Variants in LRIG1 observed in about 807,000 individuals in gnomAD.
LRIG1 encodes leucine-rich repeats and immunoglobulin-like domains protein 1.
In LRIG1, 48 loss-of-function variants were observed where a neutral mutation model predicts 99.2. The ratio of observed to expected loss-of-function variants is 0.48; its 90% CI spans 0.38 to 0.62. The LOEUF is 0.62. Ranked by LOEUF, LRIG1 falls within the 20% of genes least tolerant of loss-of-function variation. The pLI is 0.00. For missense variants in LRIG1, 1,646 were observed against 1,434.4 expected (o/e 1.15, Z -2.38); for synonymous variants, 772 against 596.1 (o/e 1.29, Z -4.30).
At chr3:66,469,985 T>C (rs1465808881) in intron 1 of LRIG1, among the ~76,000 whole-genome samples, 3 of 151,254 alleles carry the variant, frequency 2.0e-5, no homozygotes, top group African/African-American at 7.3e-5. Context: ...TCTGTAATGG[T>C]AGATCAGTAG....
intron 17 of LRIG1, 134 bp from the exon 18 acceptor site, chr3:66,380,995 T>A (rs889488006): frequency 1.3e-5 from 11 of 821,340 alleles, no homozygotes; most frequent in Admixed American, 8.1e-5. Context: ...TGCTTCCTCT[T>A]TTCCCCAACT....
intron 3 of LRIG1, among the ~76,000 whole-genome samples, chr3:66,443,454 G>A (rs1276673984): frequency 6.6e-6 from 1 of 152,208 alleles, no homozygotes; most frequent in African/African-American, 2.4e-5. Flanking sequence ...AGTACCCACT[G>A]TGTTGGCTGA....
intron 11 of LRIG1, among the ~76,000 whole-genome samples, chr3:66,394,415 T>C (rs191528695): frequency 4.6e-5 from 7 of 152,292 alleles, no homozygotes; most frequent in African/African-American, 7.2e-5. Flanking sequence ...CAGTTGCTGA[T>C]TGGGTGGGTC....
At chr3:66,462,282 C>G (rs1192514268) in intron 2 of LRIG1, among the ~76,000 whole-genome samples, 156 bp downstream of exon 2, 1 of 152,138 alleles carries the variant, frequency 6.6e-6, no homozygotes, top group Non-Finnish European at 1.5e-5. Flanking sequence ...GAGAGATAAG[C>G]AGGAGTAGAA....
At chr3:66,403,217 T>C (rs9847145) in intron 9 of LRIG1, among the ~76,000 whole-genome samples, 6,403 of 152,218 alleles carry the variant, frequency 0.042, 438 homozygotes, top group African/African-American at 0.14. Context: ...ATCCAAATCA[T>C]AGGCATCATA....
intron 2 of LRIG1, among the ~76,000 whole-genome samples, chr3:66,458,970 T>C (rs1700294169): frequency 6.7e-6 from 1 of 150,090 alleles, no homozygotes; most frequent in South Asian, 2.1e-4. Context: ...TGACCCAAGA[T>C]TGCACTGCAC....
Position 66,407,343 on chromosome 3 carries a change from C to T in LRIG1, c.1079+5G>A. ...CCTTTATCCTGTCAGTAGTGGGAGACGTACAAGACTCGCAGGCTCCTGAGT... is the reference window on the plus strand; with the variant it reads ...CCTTTATCCTGTCAGTAGTGGGAGATGTACAAGACTCGCAGGCTCCTGAGT... On this transcript the variant is annotated splice_donor_5th_base_variant and intron_variant, in intron 8 of 18. Coordinates refer to ENST00000273261, the MANE Select transcript of LRIG1 (RefSeq NM_015541.3). 1 of 1,614,038 alleles carries T rather than the reference C, an allele frequency of 6.2e-7. No individual in the cohort carries two copies. Among genetic ancestry groups the T allele is most frequent in the East Asian group, 2.2e-5 (1 of 44,872 alleles).
chr3:66,489,422 T>G (rs113765515), intron 1 of LRIG1, among the ~76,000 whole-genome samples: 31,055 of 152,038 alleles, frequency 0.2, 4,089 homozygotes, highest in Non-Finnish European at 0.3. Flanking sequence ...CTCAGTAGAC[T>G]GAGGTAGGAG....
At chr3:66,495,379 G>A (rs994436847) in intron 1 of LRIG1, among the ~76,000 whole-genome samples, 2 of 152,108 alleles carry the variant, frequency 1.3e-5, no homozygotes, top group African/African-American at 4.8e-5. Flanking sequence ...AGTTCTGTTC[G>A]CTTTTAAAAG....
At chr3:66,420,518 A>T (rs1702770896) in intron 3 of LRIG1, among the ~76,000 whole-genome samples, 1 of 152,252 alleles carries the variant, frequency 6.6e-6, no homozygotes, top group African/African-American at 2.4e-5. Flanking sequence ...CCTCACATTC[A>T]TAGAAGCATC....
intron 3 of LRIG1, among the ~76,000 whole-genome samples, chr3:66,429,983 C>T (rs1289585001): frequency 2.0e-5 from 3 of 152,194 alleles, no homozygotes; most frequent in African/African-American, 7.2e-5. Flanking sequence ...ATAAACCGCA[C>T]ACCGGCTAGG....
Position 66,449,044 on chromosome 3 carries a change from G to A in LRIG1, c.365+2515C>T, listed in dbSNP as rs138654848. 3.2e-3 allele frequency among the ~76,000 whole-genome samples: 481 copies of A among 152,280 alleles called. 2 individuals are homozygous for A. Among genetic ancestry groups the A allele is most frequent in the African/African-American group, 0.01 (431 of 41,564 alleles). On this transcript the variant is annotated intron_variant, in intron 3 of 18. Coordinates refer to ENST00000273261, the MANE Select transcript of LRIG1 (RefSeq NM_015541.3). ...GATGACTGGAATCATCATGTGGATG[G>A]GGCTGCTAAGTCTTCTGCCTTCATT...
chr3:66,383,040 C>G lies in LRIG1; in HGVS notation c.2433G>C (p.Trp811Cys). 6.2e-7 allele frequency: 1 copy of G among 1,614,172 alleles called. No individual in the cohort carries two copies. Among genetic ancestry groups the G allele is most frequent in the Non-Finnish European group, 8.5e-7 (1 of 1,180,038 alleles). ...VSSIVLTSLVWVCIIYQTRKK... is the reference protein window; with the variant it reads ...VSSIVLTSLVCVCIIYQTRKK... ...TCCTGGTCTGGTAGATGATGCACAC[C>G]CAGACCAGTGACGTCAGGACGATGC... Residue 811 changes from tryptophan to cysteine, a missense_variant, in exon 15 of 19, where the codon TGG (tryptophan) becomes TGC (cysteine). Transcript: ENST00000273261.
chr3:66,448,578 G>C (rs1365125422), intron 3 of LRIG1, among the ~76,000 whole-genome samples: 1 of 152,024 alleles, frequency 6.6e-6, no homozygotes, highest in Non-Finnish European at 1.5e-5. Flanking sequence ...TTCCTCATCT[G>C]AGAAAAAAAG....
At chr3:66,384,408 C>T in intron 13 of LRIG1, 136 bp from the exon 14 acceptor site, 1 of 894,488 alleles carries the variant, frequency 1.1e-6, no homozygotes, top group Non-Finnish European at 1.8e-6. Context: ...CCCAGGACCA[C>T]TCCTGCCACC....
At chr3:66,456,536 G>C (rs1365644771) in intron 2 of LRIG1, among the ~76,000 whole-genome samples, 1 of 144,532 alleles carries the variant, frequency 6.9e-6, no homozygotes, top group Non-Finnish European at 1.5e-5. Context: ...CCATACCACT[G>C]CACTCTAGCC....
chr3:66,381,077 A>C (rs1701028912), intron 17 of LRIG1: 1 of 600,234 alleles, frequency 1.7e-6, no homozygotes, highest in Non-Finnish European at 2.9e-6. Context: ...GTTTACAGTG[A>C]ATTTCATAGA....
chr3:66,403,713 G>A (rs1005114561), intron 9 of LRIG1, among the ~76,000 whole-genome samples: 3 of 152,194 alleles, frequency 2.0e-5, no homozygotes, highest in Non-Finnish European at 4.4e-5. Context: ...CTTCTGTATT[G>A]AGACAGAGCC....
chr3:66,430,864 C>T (rs555142240), intron 3 of LRIG1, among the ~76,000 whole-genome samples: 8 of 152,158 alleles, frequency 5.3e-5, no homozygotes, highest in Non-Finnish European at 1.2e-4. Flanking sequence ...CCAACATAGA[C>T]ACTTGCTTCT....
Sources: allele counts gnomAD v4.1 joint callset (sites outside exome capture counted in the v4.1 genomes callset), GRCh38; gene constraint gnomAD v4.1.1; transcripts MANE v1.5; gene names NCBI Gene and HGNC (gene_info 2026-07-23, HGNC 2026-07-21).